KDM3A: variants seen among roughly 807,000 people sequenced by gnomAD.
The protein encoded by KDM3A is lysine-specific demethylase 3A.
Under a neutral mutation model 158.0 loss-of-function variants are expected in KDM3A, and 60 were observed. The observed-to-expected ratio is 0.38, with a 90% CI of 0.31 to 0.47. KDM3A has a LOEUF of 0.47. Among genes scored for constraint, KDM3A ranks in the 20% least tolerant of loss-of-function variants. KDM3A has a pLI of 0.99. For synonymous variants in KDM3A, 608 were observed against 549.3 expected (o/e 1.11, Z -1.49); for missense variants, 1,319 against 1,574.3 (o/e 0.84, Z 2.74).
chr2:86,447,308 A>T lies in KDM3A; in HGVS notation c.187-2499A>T, dbSNP rs539036533. 2.2e-3 allele frequency among the ~76,000 whole-genome samples: 327 copies of T among 150,612 alleles called. 2 individuals are homozygous for T. Among genetic ancestry groups the T allele is most frequent in the African/African-American group, 7.6e-3 (314 of 41,070 alleles). ...GTAAACTTTTTTTTTTTTTTTTCAA[A>T]TCACTCAAAAATTGGGATATGGAAA... On this transcript the variant is annotated intron_variant, in intron 2 of 25. Transcript: ENST00000312912.
At position 86,456,588 on chromosome 2, in the gene KDM3A, T is replaced by C. The variant is rs756195733; in HGVS notation, c.681+22T>C. 5.6e-6 allele frequency: 9 copies of C among 1,595,550 alleles called. No homozygotes were observed. The South Asian group carries it at 9.1e-5, about 16-fold the overall frequency. The stretch of plus-strand genomic sequence containing the variant: ...GGAGGTAAAGACAACAATAACTCTT[T>C]GTAAGATAACTCGACAAAGCATGAT... On this transcript the variant is annotated intron_variant, in intron 6 of 25. Coordinates refer to ENST00000312912, the MANE Select transcript of KDM3A (RefSeq NM_018433.6).
chr2:86,470,710 T>C (rs1673362894), intron 11 of KDM3A, among the ~76,000 whole-genome samples: 1 of 152,200 alleles, frequency 6.6e-6, no homozygotes, highest in Admixed American at 6.5e-5. Flanking sequence ...ACTGTTAACT[T>C]TTCAGTGCAC....
intron 9 of KDM3A, 63 bp from the exon 10 acceptor site, chr2:86,466,309 G>A: frequency 6.8e-7 from 1 of 1,479,924 alleles, no homozygotes; most frequent in Middle Eastern, 2.0e-4. Context: ...CAGTTTGTTT[G>A]GGGAAGATAA....
At chr2:86,455,633 A>G (rs1672657292) in intron 5 of KDM3A, among the ~76,000 whole-genome samples, 2 of 152,162 alleles carry the variant, frequency 1.3e-5, no homozygotes, top group African/African-American at 4.8e-5. Context: ...TGGAAAGTTC[A>G]GGGATTATAT....
intron 20 of KDM3A, 103 bp from the exon 21 acceptor site, chr2:86,485,605 GCTGTCAGTCTGCATGATCACA>G: frequency 9.3e-7 from 1 of 1,080,034 alleles, no homozygotes; most frequent in Non-Finnish European, 1.3e-6. Flanking sequence ...ATATTTGATG[GCTGTCAGTCTGCATGATCACA>G]GATGGATTTG....
Position 86,485,720 on chromosome 2 carries a change from T to C in KDM3A, c.3183-9T>C. 1 of 1,611,402 alleles carries C rather than the reference T, an allele frequency of 6.2e-7. No individual in the cohort carries two copies. The highest frequency in any genetic ancestry group is 8.5e-7 in the Non-Finnish European group (1 of 1,177,896). On this transcript the variant is annotated splice_polypyrimidine_tract_variant and intron_variant, in intron 20 of 25. Transcript: ENST00000312912. ...CTAACTTTGCAAATTCCTGGTTCTG[T>C]TGTTCTAGGTTTGATGATCTGATGG...
chr2:86,471,279 GTGTA>G (rs1558620712), intron 11 of KDM3A, among the ~76,000 whole-genome samples: 1 of 133,620 alleles, frequency 7.5e-6, no homozygotes, highest in African/African-American at 3.4e-5. Context: ...GTATATATGT[GTGTA>G]TATATGTATA....
chr2:86,489,552 G>A lies in KDM3A; in HGVS notation c.3466G>A (p.Asp1156Asn), dbSNP rs1208001247. 1 of 1,613,884 alleles carries A rather than the reference G, an allele frequency of 6.2e-7. No individual in the cohort carries two copies. The highest frequency in any genetic ancestry group is 1.7e-5 in the Admixed American group (1 of 59,972). Residue 1156 changes from aspartate (D) to asparagine (N), a missense_variant, in exon 23 of 26, where the codon GAC (aspartate) becomes AAC (asparagine). This residue lies in a region of KDM3A where 186 missense variants were observed against 340.9 expected (regional missense o/e 0.55). Transcript: ENST00000312912. ...VLKTIQDGDS[D>N]ELTIKRFIEG... Reference sequence around the variant, plus strand: ...TAAGACCATCCAAGATGGAGATTCTGACGAACTCACAATAAAGCGATTTAT... The same window carrying A: ...TAAGACCATCCAAGATGGAGATTCTAACGAACTCACAATAAAGCGATTTAT...
upstream of KDM3A, among the ~76,000 whole-genome samples, chr2:86,440,312 A>G (rs1419931056): frequency 5.9e-5 from 9 of 152,222 alleles, no homozygotes; most frequent in Admixed American, 5.9e-4. Flanking sequence ...ATACGTTTCC[A>G]CGCTTGTAAA....
At position 86,442,024 on chromosome 2, in the gene KDM3A, G is replaced by T. The variant is rs1436143663; in HGVS notation, c.-24G>T. The stretch of plus-strand genomic sequence containing the variant: ...TGTTTTTGTGTTTTTGCAGGGAGGA[G>T]CTCTTCCTGCAGGCGTGGAAACCAT... On this transcript the variant is annotated 5_prime_UTR_variant, in exon 2 of 26. Transcript: ENST00000312912. 6.2e-7 allele frequency: 1 copy of T among 1,612,716 alleles called. No individual in the cohort carries two copies. Among genetic ancestry groups the T allele is most frequent in the Non-Finnish European group, 8.5e-7 (1 of 1,179,252 alleles).
intron 18 of KDM3A, chr2:86,483,566 A>C: frequency 6.5e-6 from 1 of 153,406 alleles, no homozygotes; most frequent in South Asian, 2.1e-4. Flanking sequence ...GCACCCTCAC[A>C]CAGCCAGTAG....
In KDM3A at chr2:86,483,976, T is replaced by C. The variant is rs1361859262; in HGVS notation, c.2923-11T>C. On this transcript the variant is annotated splice_polypyrimidine_tract_variant and intron_variant, in intron 18 of 25. Coordinates refer to ENST00000312912, the MANE Select transcript of KDM3A (RefSeq NM_018433.6). ...AGAGTTCAGACTAAAGTTTTCCTTC[T>C]CTTCATTTAGCCAGTGATGGTGTCT... The C allele has an allele frequency of 1.2e-6, 2 of 1,604,266 alleles. No individual in the cohort carries two copies. The highest frequency in any genetic ancestry group is 1.7e-6 in the Non-Finnish European group (2 of 1,175,458).
rs1404687437 is a variant in KDM3A at position 86,485,800 on chromosome 2, C to T, written c.3254C>T (p.Ser1085Phe). 1.2e-6 allele frequency: 2 copies of T among 1,614,118 alleles called. No individual in the cohort carries two copies. Among genetic ancestry groups the T allele is most frequent in the Admixed American group, 1.7e-5 (1 of 60,016 alleles). ...TRRDGKLNLA[S>F]RLPNYFVRPD... Reference sequence around the variant, plus strand: ...CGAGATGGCAAACTGAATTTGGCCTCTAGGCTGCCAAACTACTTTGTTCGG... The same window carrying T: ...CGAGATGGCAAACTGAATTTGGCCTTTAGGCTGCCAAACTACTTTGTTCGG... Residue 1085 changes from serine to phenylalanine, a missense_variant, in exon 21 of 26, where the codon TCT becomes TTT. By Grantham distance (155) the Ser-to-Phe change is radical. This residue lies in a region of KDM3A where 186 missense variants were observed against 340.9 expected (regional missense o/e 0.55). Transcript: ENST00000312912.
chr2:86,476,903 AC>A (rs1673680348), intron 12 of KDM3A, among the ~76,000 whole-genome samples: 1 of 152,236 alleles, frequency 6.6e-6, no homozygotes, highest in Non-Finnish European at 1.5e-5. Flanking sequence ...TCTCCATAGA[AC>A]AGGAGTGCAG....
chr2:86,477,401 A>AT (rs1382433315), intron 12 of KDM3A, among the ~76,000 whole-genome samples: 4 of 152,206 alleles, frequency 2.6e-5, no homozygotes, highest in Admixed American at 2.0e-4. Context: ...GGGTATCTGA[A>AT]TAACCTGATA....
At chr2:86,473,956 C>T (rs1453559118) in intron 11 of KDM3A, among the ~76,000 whole-genome samples, 1 of 152,182 alleles carries the variant, frequency 6.6e-6, no homozygotes. Context: ...TTTATATAGG[C>T]ACCAAGTACC....
At chr2:86,478,460 T>C (rs113287945) in intron 14 of KDM3A, 148 bp from the exon 15 acceptor site, 6 of 953,424 alleles carry the variant, frequency 6.3e-6, no homozygotes, top group African/African-American at 3.3e-5. Flanking sequence ...GAAAAGAAAA[T>C]GCATTTTGGG....
chr2:86,443,896 C>T (rs1682846510), intron 2 of KDM3A, among the ~76,000 whole-genome samples: 1 of 152,126 alleles, frequency 6.6e-6, no homozygotes, highest in Non-Finnish European at 1.5e-5. Flanking sequence ...TTCAGTCGTG[C>T]TTGTTGTGGT....
Position 86,459,098 on chromosome 2 carries a change from A to G in KDM3A, c.843+2027A>G, listed in dbSNP as rs1258633238. On this transcript the variant is annotated intron_variant, in intron 8 of 25. Coordinates refer to ENST00000312912, the MANE Select transcript of KDM3A (RefSeq NM_018433.6). ...GAATGTCTGCCTCAAAGAACATGACAGTTCTAGCTTAGGAAGCCCAAGTGA... is the reference window on the plus strand; with the variant it reads ...GAATGTCTGCCTCAAAGAACATGACGGTTCTAGCTTAGGAAGCCCAAGTGA... Among the ~76,000 whole-genome samples the G allele has an allele frequency of 2.6e-5, 4 of 152,196 alleles. No individual in the cohort carries two copies. In the South Asian group the frequency reaches 8.3e-4, roughly 31 times the overall value.
Sources: allele counts gnomAD v4.1 joint callset (sites outside exome capture counted in the v4.1 genomes callset), GRCh38; gene constraint gnomAD v4.1.1; regional missense constraint gnomAD v4.1.1; transcripts MANE v1.5; gene names NCBI Gene and HGNC (gene_info 2026-07-23, HGNC 2026-07-21).